Variants in DENND2A observed in about 807,000 individuals in gnomAD.
The protein encoded by DENND2A is DENN domain-containing protein 2A.
Under a neutral mutation model 105.3 loss-of-function variants are expected in DENND2A, and 53 were observed. The observed-to-expected ratio is 0.50, with a 90% CI of 0.40 to 0.63. DENND2A has a LOEUF of 0.63. Among genes scored for constraint, DENND2A ranks in the 30% least tolerant of loss-of-function variants. The pLI, the probability that DENND2A is intolerant of heterozygous loss-of-function variation, is 0.00. For missense variants in DENND2A, 1,138 were observed against 1,279.6 expected (o/e 0.89, Z 1.69); for synonymous variants, 522 against 508.4 (o/e 1.03, Z -0.36).
At chr7:140,581,690 G>A (rs1187414106) in intron 5 of DENND2A, among the ~76,000 whole-genome samples, 1 of 152,216 alleles carries the variant, frequency 6.6e-6, no homozygotes, top group Non-Finnish European at 1.5e-5. Flanking sequence ...AATGAGCACG[G>A]ACACCGTGTC....
At chr7:140,557,029 G>A (rs376844394) in intron 11 of DENND2A, among the ~76,000 whole-genome samples, 11 of 151,858 alleles carry the variant, frequency 7.2e-5, no homozygotes, top group African/African-American at 2.7e-4. Context: ...AGTGATCAGG[G>A]TCTGTTTGGC....
intron 5 of DENND2A, among the ~76,000 whole-genome samples, chr7:140,583,735 C>T (rs1014459203): frequency 6.8e-6 from 1 of 147,648 alleles, no homozygotes; most frequent in Non-Finnish European, 1.5e-5. Flanking sequence ...CGAGACCATC[C>T]TGTGAATGGT....
chr7:140,538,788 G>A (rs1372859173), intron 14 of DENND2A, among the ~76,000 whole-genome samples: 1 of 151,718 alleles, frequency 6.6e-6, no homozygotes, highest in Non-Finnish European at 1.5e-5. Flanking sequence ...TTACAGGGAT[G>A]AGCAATTGCA....
rs1346545824 is a variant in DENND2A at position 140,523,262 on chromosome 7, C to T, written c.2665+45G>A. On this transcript the variant is annotated intron_variant, in intron 17 of 19. Transcript: ENST00000496613. This position sits in a 1 kb window ranked among gnomAD's most constrained non-coding sequence, Gnocchi z 4.5. Reference sequence around the variant, plus strand: ...CACTGCCCATTTGTTCCCTGACCCTCAGAGTGGAAGGGAGAGACCCACTGG... The same window carrying T: ...CACTGCCCATTTGTTCCCTGACCCTTAGAGTGGAAGGGAGAGACCCACTGG... 6.3e-7 allele frequency: 1 copy of T among 1,592,146 alleles called. No homozygotes were observed.
chr7:140,527,628 A>G lies in DENND2A; in HGVS notation c.2328-133T>C. On this transcript the variant is annotated intron_variant, in intron 14 of 19. Transcript: ENST00000496613. The surrounding 1 kb of genome is among the most constrained non-coding windows in gnomAD (Gnocchi z 4.9). ...CGTGGATGTGGATCCGGTGGAGCAC[A>G]TGATGGTCTCAGCACAGGCCACACC... is the stretch of plus-strand genomic sequence containing the variant. 1 of 977,496 alleles carries G rather than the reference A, an allele frequency of 1.0e-6. No homozygotes were observed. The highest frequency in any genetic ancestry group is 2.8e-5 in the Admixed American group (1 of 36,350). 60.6% of individuals were successfully genotyped at this position (977,496 alleles called of 1,614,324 possible).
intron 8 of DENND2A, among the ~76,000 whole-genome samples, chr7:140,568,509 G>A (rs1797963179): frequency 1.3e-5 from 2 of 152,166 alleles, no homozygotes; most frequent in Non-Finnish European, 2.9e-5. Flanking sequence ...CAGGACATAG[G>A]GAGAGGCATG....
chr7:140,591,694 C>CCTTCTTTCTTTCTTTCT (rs1799032787), intron 3 of DENND2A, among the ~76,000 whole-genome samples: 1 of 94,394 alleles, frequency 1.1e-5, no homozygotes, highest in African/African-American at 5.7e-5. Flanking sequence ...TCTTTCTTTC[C>CCTTCTTTCTTTCTTTCT]TTCCTTCCTT....
chr7:140,536,370 A>T (rs1409750617), intron 14 of DENND2A, among the ~76,000 whole-genome samples: 2 of 151,962 alleles, frequency 1.3e-5, no homozygotes, highest in Non-Finnish European at 2.9e-5. Context: ...AAAAAAAAAA[A>T]GAATCTCAGA....
At chr7:140,602,814 A>C (rs1329509196) in intron 2 of DENND2A, among the ~76,000 whole-genome samples, 1 of 151,846 alleles carries the variant, frequency 6.6e-6, no homozygotes, top group Non-Finnish European at 1.5e-5. Context: ...TCTCTACAAA[A>C]ATTTTTTTTA....
chr7:140,599,404 T>TGGAGCCAGAGAAA (rs1202415294), intron 3 of DENND2A, among the ~76,000 whole-genome samples: 45 of 152,246 alleles, frequency 3.0e-4, no homozygotes, highest in African/African-American at 9.4e-4. Context: ...ATAGCCTGAT[T>TGGAGCCAGAGAAA]AATTAAACAG....
chr7:140,612,889 T>G (rs1186968177), intron 1 of DENND2A, among the ~76,000 whole-genome samples: 1 of 150,742 alleles, frequency 6.6e-6, no homozygotes, highest in Non-Finnish European at 1.5e-5. Flanking sequence ...CTGAGGCGGG[T>G]GGATCACCTG....
intron 14 of DENND2A, among the ~76,000 whole-genome samples, chr7:140,529,950 A>G (rs568033970): frequency 6.6e-6 from 1 of 152,260 alleles, no homozygotes; most frequent in African/African-American, 2.4e-5. Context: ...TAATAAAACA[A>G]AACAAAACAA....
intron 1 of DENND2A, among the ~76,000 whole-genome samples, chr7:140,613,334 G>A (rs1430085834): frequency 5.9e-5 from 9 of 152,038 alleles, no homozygotes; most frequent in African/African-American, 1.9e-4. Flanking sequence ...GAGGTCAGGA[G>A]TTCAAGACCA....
Position 140,523,155 on chromosome 7 carries a change from G to A in DENND2A, c.2665+152C>T. The A allele has an allele frequency of 1.4e-6, 1 of 738,696 alleles. No individual in the cohort carries two copies. The highest frequency in any genetic ancestry group is 2.3e-6 in the Non-Finnish European group (1 of 434,806). 45.8% of individuals were successfully genotyped at this position (738,696 alleles called of 1,614,324 possible). On this transcript the variant is annotated intron_variant, in intron 17 of 19. Coordinates refer to ENST00000496613, the MANE Select transcript of DENND2A (RefSeq NM_015689.5). The surrounding 1 kb of genome is among the most constrained non-coding windows in gnomAD (Gnocchi z 4.5). Reference sequence around the variant, plus strand: ...AAATCTTTCCCACAATTCACTGTGGGAATGAAATCCAGATAAACAGAATGA... The same window carrying A: ...AAATCTTTCCCACAATTCACTGTGGAAATGAAATCCAGATAAACAGAATGA...
Position 140,584,569 on chromosome 7 carries a change from A to G in DENND2A, c.1245+1020T>C, listed in dbSNP as rs567756917. Among the ~76,000 whole-genome samples the G allele has an allele frequency of 7.9e-5, 12 of 152,332 alleles. No individual in the cohort carries two copies. In the South Asian group the frequency reaches 2.5e-3, roughly 32 times the overall value. ...CTGCAGGCAATGGGTTGAAATTACC[A>G]TCTATATCAATAAGGTTATATTATC... is the stretch of plus-strand genomic sequence containing the variant. On this transcript the variant is annotated intron_variant, in intron 5 of 19. Transcript: ENST00000496613.
At chr7:140,524,703 G>T (rs896523209) in intron 16 of DENND2A, among the ~76,000 whole-genome samples, 1 of 151,758 alleles carries the variant, frequency 6.6e-6, no homozygotes, top group Non-Finnish European at 1.5e-5. Context: ...AGCCTCCTGC[G>T]TAGCTGCTGG....
At chr7:140,578,154 T>A (rs1798385179) in intron 5 of DENND2A, among the ~76,000 whole-genome samples, 1 of 152,176 alleles carries the variant, frequency 6.6e-6, no homozygotes, top group African/African-American at 2.4e-5. Flanking sequence ...AGAACCCTGA[T>A]GGTCTGAGGT....
chr7:140,535,865 A>G (rs886254547), intron 14 of DENND2A, among the ~76,000 whole-genome samples: 7 of 152,138 alleles, frequency 4.6e-5, no homozygotes, highest in Admixed American at 1.3e-4. Flanking sequence ...TACAGGCTTG[A>G]GCCACTGCAC....
At chr7:140,630,855 C>T (rs1209815125) in intron 1 of DENND2A, among the ~76,000 whole-genome samples, 5 of 151,550 alleles carry the variant, frequency 3.3e-5, no homozygotes, top group African/African-American at 9.7e-5. Flanking sequence ...AGTGAGACTC[C>T]GTCTCAAAAA....
Sources: allele counts gnomAD v4.1 joint callset (sites outside exome capture counted in the v4.1 genomes callset), GRCh38; gene constraint gnomAD v4.1.1; non-coding constraint Gnocchi (gnomAD v3.1); transcripts MANE v1.5; gene names NCBI Gene and HGNC (gene_info 2026-07-23, HGNC 2026-07-21).